NAALADL2: variants seen among roughly 807,000 people sequenced by gnomAD.
NAALADL2 encodes inactive N-acetylated-alpha-linked acidic dipeptidase-like protein 2.
In NAALADL2, 76 loss-of-function variants were observed where a neutral mutation model predicts 87.2. That is an observed-to-expected ratio of 0.87 (90% CI 0.72 to 1.05). NAALADL2 has a LOEUF of 1.05. Among genes scored for constraint, NAALADL2 ranks in the 50% least tolerant of loss-of-function variants. The pLI, the probability that NAALADL2 is intolerant of heterozygous loss-of-function variation, is 0.00. For missense variants in NAALADL2, 1,089 were observed against 945.8 expected (o/e 1.15, Z -1.99); for synonymous variants, 354 against 331.0 (o/e 1.07, Z -0.75).
intron 4 of NAALADL2, among the ~76,000 whole-genome samples, chr3:175,279,998 A>G (rs1754080814): frequency 6.6e-6 from 1 of 151,346 alleles, no homozygotes; most frequent in Admixed American, 6.6e-5. Context: ...TGGAATAAAT[A>G]AACTGGAAAG....
In NAALADL2 at chr3:175,467,074, C is replaced by G. The variant is rs369127393; in HGVS notation, c.1423C>G (p.Arg475Gly). The G allele has an allele frequency of 1.2e-5, 19 of 1,613,616 alleles. No individual in the cohort carries two copies. In the Middle Eastern group the frequency reaches 6.6e-4, roughly 56 times the overall value. Residue 475 changes from arginine (R) to glycine (G), a missense_variant, in exon 8 of 14, where the codon CGT (arginine) becomes GGT (glycine). Coordinates refer to ENST00000454872, the MANE Select transcript of NAALADL2 (RefSeq NM_207015.3). The stretch of plus-strand genomic sequence containing the variant: ...TACTGCAATAATCACAGCGTTTATC[C>G]GTGCCTTGATGTCAAAAGTTAAGAG... Reference protein sequence around the residue: ...SSTAIITAFIRALMSKVKRGW... With the variant: ...SSTAIITAFIGALMSKVKRGW...
chr3:175,576,536 C>T (rs1718921789), intron 10 of NAALADL2, among the ~76,000 whole-genome samples: 2 of 152,090 alleles, frequency 1.3e-5, no homozygotes, highest in African/African-American at 2.4e-5. Flanking sequence ...CCTCTCCTTG[C>T]CCAAAGGAAA....
intron 1 of NAALADL2, among the ~76,000 whole-genome samples, chr3:175,065,942 C>T (rs767775872): frequency 3.3e-5 from 5 of 152,140 alleles, no homozygotes; most frequent in Non-Finnish European, 7.4e-5. Context: ...TCTCACATAA[C>T]GGTATTCGGT....
At chr3:174,650,067 CA>C (rs1724202196) in intron 2 of NAALADL2, among the ~76,000 whole-genome samples, 1 of 151,950 alleles carries the variant, frequency 6.6e-6, no homozygotes, top group African/African-American at 2.4e-5. Context: ...GCTATGATAA[CA>C]AATGTTTTAC....
intron 1 of NAALADL2, among the ~76,000 whole-genome samples, chr3:175,037,973 G>C (rs550157887): frequency 6.6e-6 from 1 of 152,120 alleles, no homozygotes; most frequent in Non-Finnish European, 1.5e-5. Context: ...CCGAAGTAAA[G>C]ACTTTCTTGG....
chr3:174,912,674 A>G (rs975619066), intron 1 of NAALADL2, among the ~76,000 whole-genome samples: 1 of 152,300 alleles, frequency 6.6e-6, no homozygotes, highest in South Asian at 2.1e-4. Context: ...AATGAAGCAC[A>G]GGATGGAAAA....
At chr3:174,963,048 C>T (rs77771046) in intron 1 of NAALADL2, among the ~76,000 whole-genome samples, 4,106 of 151,962 alleles carry the variant, frequency 0.027, 130 homozygotes, top group African/African-American at 0.073. Flanking sequence ...TTATTTTATG[C>T]GTCCAATTAT....
chr3:174,674,734 A>G (rs1350692460), intron 2 of NAALADL2, among the ~76,000 whole-genome samples: 1 of 151,690 alleles, frequency 6.6e-6, no homozygotes, highest in Non-Finnish European at 1.5e-5. Context: ...CTGCCTTTTT[A>G]CTTCTTTTCT....
At chr3:175,608,594 G>T (rs982724692) in intron 10 of NAALADL2, among the ~76,000 whole-genome samples, 1 of 151,920 alleles carries the variant, frequency 6.6e-6, no homozygotes, top group East Asian at 2.0e-4. Context: ...CATCCTGAAT[G>T]CAAAATGAGA....
intron 1 of NAALADL2, among the ~76,000 whole-genome samples, chr3:175,083,744 T>C (rs1440380279): frequency 6.6e-6 from 1 of 152,246 alleles, no homozygotes; most frequent in African/African-American, 2.4e-5. Context: ...ATTACTATCC[T>C]ATTCTGAAGG....
At chr3:175,097,411 C>A in intron 2 of NAALADL2, 120 bp downstream of exon 2, 1 of 876,370 alleles carries the variant, frequency 1.1e-6, no homozygotes, top group African/African-American at 1.7e-5. Flanking sequence ...AGAAACATAT[C>A]ACCACAACAA....
chr3:174,707,427 A>C (rs1325916755), intron 2 of NAALADL2, among the ~76,000 whole-genome samples: 1 of 152,164 alleles, frequency 6.6e-6, no homozygotes, highest in Non-Finnish European at 1.5e-5. Context: ...CTGGATTAAG[A>C]AAATGTGGCA....
At chr3:174,470,958 G>A (rs1381855841) in intron 1 of NAALADL2, among the ~76,000 whole-genome samples, 4 of 152,010 alleles carry the variant, frequency 2.6e-5, no homozygotes, top group Non-Finnish European at 5.9e-5. Flanking sequence ...ATAAGTCAGA[G>A]GAATGCTTTC....
At chr3:175,536,850 C>T (rs938371190) in intron 9 of NAALADL2, among the ~76,000 whole-genome samples, 64 of 152,190 alleles carry the variant, frequency 4.2e-4, no homozygotes, top group Non-Finnish European at 9.0e-4. Flanking sequence ...GGCGTGGTGG[C>T]GGGCGCCTGT....
At chr3:175,499,320 C>G (rs1197478379) in intron 9 of NAALADL2, among the ~76,000 whole-genome samples, 3 of 152,078 alleles carry the variant, frequency 2.0e-5, no homozygotes, top group Non-Finnish European at 4.4e-5. Context: ...TGAGATTTCA[C>G]CAAACATTTA....
chr3:174,882,621 A>ATATGTGCATATGCG (rs1729425612), intron 1 of NAALADL2, among the ~76,000 whole-genome samples: 10 of 135,770 alleles, frequency 7.4e-5, no homozygotes, highest in Admixed American at 4.2e-4. Context: ...GTGCATATGC[A>ATATGTGCATATGCG]TATATGTGCA....
chr3:175,416,966 T>C (rs146157570), intron 5 of NAALADL2, among the ~76,000 whole-genome samples: 30 of 151,770 alleles, frequency 2.0e-4, no homozygotes, highest in East Asian at 7.7e-4. Flanking sequence ...AAATGTAATA[T>C]TGAGGGATAA....
At chr3:175,006,322 T>G (rs1749012467) in intron 1 of NAALADL2, among the ~76,000 whole-genome samples, 1 of 152,194 alleles carries the variant, frequency 6.6e-6, no homozygotes, top group Non-Finnish European at 1.5e-5. Flanking sequence ...TCTTTGTAAG[T>G]AATTCTTGTT....
chr3:175,234,287 A>G, intron 3 of NAALADL2, 83 bp downstream of exon 3: 1 of 1,388,182 alleles, frequency 7.2e-7, no homozygotes, highest in Non-Finnish European at 9.9e-7. Flanking sequence ...ACTAACTGTC[A>G]AGATGCAACA....
Sources: gnomAD v4.1 joint callset for allele counts (sites outside exome capture counted in the v4.1 genomes callset) on GRCh38, gnomAD v4.1.1 for gene constraint, MANE v1.5 for transcripts, NCBI Gene and HGNC (gene_info 2026-07-23, HGNC 2026-07-21) for gene names.